The following ALMS1 variants were observed in gnomAD, a reference collection of about 807,000 sequenced individuals.
ALMS1 encodes ALMS1 centrosome and basal body associated protein.
Under a neutral mutation model 352.2 loss-of-function variants are expected in ALMS1, and 271 were observed. The observed-to-expected ratio is 0.77, with a 90% CI of 0.70 to 0.85. The LOEUF is 0.85. Ranked by LOEUF, ALMS1 falls within the 40% of genes least tolerant of loss-of-function variation. The probability of loss-of-function intolerance (pLI) is 0.00; values close to 1 mark genes in which losing one functional copy is unlikely to be tolerated. For missense variants in ALMS1, 5,445 were observed against 4,870.7 expected (o/e 1.12, Z -3.51); for synonymous variants, 1,865 against 1,761.2 (o/e 1.06, Z -1.48).
rs1671946886 is a variant in ALMS1, at chr2:73,451,804, T to G, written c.5277T>G (p.Tyr1759Ter). The change falls in exon 8 of 23, where the codon TAT becomes TAG. Residue 1759 changes from tyrosine (Y) to a stop codon, truncating the protein, a stop_gained. Transcript: ENST00000613296. LOFTEE classifies it high-confidence loss of function. ...TATCTACTGTAACTTCCTCTTTCTATTCACATACAGAGAAGCCTAATATTT... is the reference window on the plus strand; with the variant it reads ...TATCTACTGTAACTTCCTCTTTCTAGTCACATACAGAGAAGCCTAATATTT... ...TGLSTVTSSFYSHTEKPNISY... is the reference protein window; with the variant it reads ...TGLSTVTSSF The G allele has an allele frequency of 6.2e-7, 1 of 1,613,338 alleles. No homozygotes were observed. Among genetic ancestry groups the G allele is most frequent in the African/African-American group, 1.3e-5 (1 of 74,664 alleles).
chr2:73,421,276 T>A (rs1249693861), intron 3 of ALMS1, among the ~76,000 whole-genome samples: 1 of 152,198 alleles, frequency 6.6e-6, no homozygotes, highest in African/African-American at 2.4e-5. Flanking sequence ...TAGTTAGGGT[T>A]AACTCTAATT....
At chr2:73,455,770 ATTGAT>A (rs1318479742) in intron 9 of ALMS1, among the ~76,000 whole-genome samples, 1 of 152,224 alleles carries the variant, frequency 6.6e-6, no homozygotes, top group African/African-American at 2.4e-5. Context: ...TGTTGTTTTT[ATTGAT>A]TCCAAATTCA....
At chr2:73,539,986 G>T (rs1674130785) in intron 12 of ALMS1, among the ~76,000 whole-genome samples, 1 of 152,154 alleles carries the variant, frequency 6.6e-6, no homozygotes, top group Non-Finnish European at 1.5e-5. Context: ...ATCTAGCAAG[G>T]CAGGCCAACA....
At chr2:73,423,804 G>T (rs1442327975) in intron 4 of ALMS1, among the ~76,000 whole-genome samples, 1 of 151,406 alleles carries the variant, frequency 6.6e-6, no homozygotes, top group Admixed American at 6.6e-5. Flanking sequence ...TTTAGATGGA[G>T]TCTTGCTCTG....
intron 9 of ALMS1, among the ~76,000 whole-genome samples, chr2:73,466,641 TAATA>T (rs1672353023): frequency 6.6e-6 from 1 of 151,980 alleles, no homozygotes; most frequent in Non-Finnish European, 1.5e-5. Flanking sequence ...TAAAGTATAA[TAATA>T]ATAAAATAAA....
chr2:73,567,520 T>G (rs1674829002), intron 15 of ALMS1, among the ~76,000 whole-genome samples: 1 of 152,194 alleles, frequency 6.6e-6, no homozygotes, highest in African/African-American at 2.4e-5. Context: ...TTTAAATGAA[T>G]TATACAGTGA....
At chr2:73,594,400 G>A (rs554636638) in intron 16 of ALMS1, among the ~76,000 whole-genome samples, 2 of 152,152 alleles carry the variant, frequency 1.3e-5, no homozygotes, top group Non-Finnish European at 2.9e-5. Context: ...ACATTCCAAG[G>A]CTCCTCATAT....
chr2:73,501,421 C>G (rs1459612414), intron 10 of ALMS1, among the ~76,000 whole-genome samples: 1 of 151,870 alleles, frequency 6.6e-6, no homozygotes, highest in African/African-American at 2.4e-5. Context: ...CCTGTATTTT[C>G]ATGTAGAAAT....
At position 73,452,162 on chromosome 2, in the gene ALMS1, C is replaced by T. The variant is rs369711754; in HGVS notation, c.5635C>T (p.Pro1879Ser). Residue 1879 changes from proline (P) to serine (S), a missense_variant, in exon 8 of 23, where the codon CCT becomes TCT. Pro to Ser is a moderately conservative substitution (Grantham distance 74). Coordinates refer to ENST00000613296, the MANE Select transcript of ALMS1 (RefSeq NM_001378454.1). ...AGTAACTTTGAAAGCAATAGGGGTT[C>T]CTGGGCCTGCTGACCAGAAGACTGG... is the stretch of plus-strand genomic sequence containing the variant. ...TEVTLKAIGV[P>S]GPADQKTGIQ... The T allele has an allele frequency of 6.2e-7, 1 of 1,609,000 alleles. No homozygotes were observed.
At chr2:73,492,644 A>G (rs1673014808) in intron 10 of ALMS1, among the ~76,000 whole-genome samples, 1 of 152,198 alleles carries the variant, frequency 6.6e-6, no homozygotes, top group South Asian at 2.1e-4. Flanking sequence ...TAGCTCTAAA[A>G]GTTAGGGATT....
chr2:73,513,104 A>G (rs1167630338), intron 10 of ALMS1, among the ~76,000 whole-genome samples: 2 of 152,096 alleles, frequency 1.3e-5, no homozygotes, highest in Non-Finnish European at 2.9e-5. Context: ...ATTTCTTGCC[A>G]ACCTCTCCCC....
chr2:73,550,215 T>C, intron 12 of ALMS1, 52 bp from the exon 13 acceptor site: 1 of 1,604,892 alleles, frequency 6.2e-7, no homozygotes, highest in Admixed American at 1.7e-5. Context: ...AAAGTCTTTC[T>C]CAATCTCATG....
chr2:73,428,217 T>A (rs1418014457), intron 6 of ALMS1, among the ~76,000 whole-genome samples: 1 of 152,194 alleles, frequency 6.6e-6, no homozygotes, highest in African/African-American at 2.4e-5. Flanking sequence ...GTCAATCCTA[T>A]CAAATAGAAT....
At chr2:73,549,069 T>A (rs575830554) in intron 12 of ALMS1, among the ~76,000 whole-genome samples, 1 of 152,286 alleles carries the variant, frequency 6.6e-6, no homozygotes, top group Admixed American at 6.5e-5. Context: ...ATGATACAGG[T>A]ACTTACCCAG....
chr2:73,538,290 A>G (rs1674075572), intron 12 of ALMS1, among the ~76,000 whole-genome samples: 1 of 152,144 alleles, frequency 6.6e-6, no homozygotes, highest in African/African-American at 2.4e-5. Context: ...ATAGCCAATA[A>G]ACACCTGAAA....
chr2:73,550,016 C>T (rs1357293176), intron 12 of ALMS1, among the ~76,000 whole-genome samples: 4 of 152,078 alleles, frequency 2.6e-5, no homozygotes, highest in African/African-American at 7.2e-5. Flanking sequence ...CCTGCCACCA[C>T]GCCTGGCTAA....
chr2:73,572,757 A>G lies in ALMS1; in HGVS notation c.10880A>G (p.Asp3627Gly). ...GACAGGAAAGAACTGTCCTTGGTGG[A>G]CCGACTTGATCGTTTGGCTAAAATT... ...LGDRKELSLV[D>G]RLDRLAKILQ... The change falls in exon 16 of 23, where the codon GAC (aspartate) becomes GGC (glycine). Residue 3627 changes from aspartate (D) to glycine (G), a missense_variant. Coordinates refer to ENST00000613296, the MANE Select transcript of ALMS1 (RefSeq NM_001378454.1). 1 of 1,614,094 alleles carries G rather than the reference A, an allele frequency of 6.2e-7. No individual in the cohort carries two copies. Among genetic ancestry groups the G allele is most frequent in the Non-Finnish European group, 8.5e-7 (1 of 1,179,978 alleles).
At chr2:73,604,173 T>G (rs1248021993) in intron 21 of ALMS1, among the ~76,000 whole-genome samples, 1 of 152,112 alleles carries the variant, frequency 6.6e-6, no homozygotes, top group African/African-American at 2.4e-5. Context: ...TAACAGTAGA[T>G]TTTTTGACTT....
In ALMS1 at chr2:73,461,128, G is replaced by A. The variant is rs550681662; in HGVS notation, c.7674+5833G>A. On this transcript the variant is annotated intron_variant, in intron 9 of 22. Coordinates refer to ENST00000613296, the MANE Select transcript of ALMS1 (RefSeq NM_001378454.1). Reference sequence around the variant, plus strand: ...CACGCAGCTGGAGATGTGAGAATGGGCAGACTGCCTCCTCAAGTGGGTCCC... The same window carrying A: ...CACGCAGCTGGAGATGTGAGAATGGACAGACTGCCTCCTCAAGTGGGTCCC... Among the ~76,000 whole-genome samples the A allele has an allele frequency of 3.3e-3, 506 of 152,354 alleles. 5 individuals carry two copies. The highest frequency in any genetic ancestry group is 6.1e-3 in the Non-Finnish European group (416 of 68,034).
Sources: allele counts gnomAD v4.1 joint callset (sites outside exome capture counted in the v4.1 genomes callset), GRCh38; gene constraint gnomAD v4.1.1; transcripts MANE v1.5; gene names NCBI Gene and HGNC (gene_info 2026-07-23, HGNC 2026-07-21).